STATH: variants seen among roughly 807,000 people sequenced by gnomAD.
STATH encodes the protein statherin.
STATH carries 11 observed loss-of-function variants against 13.3 expected under a neutral mutation model. The observed-to-expected ratio is 0.83, with a 90% CI of 0.52 to 1.37. The LOEUF is 1.37. Ranked by LOEUF, STATH falls within the 40% of genes most tolerant of loss-of-function variation. The pLI is 0.00. For synonymous variants in STATH, 25 were observed against 23.6 expected (o/e 1.06, Z -0.17); for missense variants, 78 against 73.3 (o/e 1.06, Z -0.24).
chr4:70,001,521 C>T (rs899569192), intron 5 of STATH, among the ~76,000 whole-genome samples: 2 of 151,720 alleles, frequency 1.3e-5, no homozygotes, highest in East Asian at 3.9e-4. Flanking sequence ...ATTTTGTACC[C>T]TAAGTAACTC....
chr4:69,996,161 T>A (rs1185495298), intron 1 of STATH, 136 bp downstream of exon 1: 1 of 152,218 alleles, frequency 6.6e-6, no homozygotes, highest in Non-Finnish European at 1.5e-5. Context: ...AGAGAAATGA[T>A]GACCTTCTTA....
chr4:69,996,832 T>A lies in STATH; in HGVS notation c.-16+807T>A, dbSNP rs147528507. 5.4e-4 allele frequency among the ~76,000 whole-genome samples: 82 copies of A among 151,640 alleles called. 2 individuals carry two copies. The East Asian group carries it at 0.014, about 26-fold the overall frequency. ...CACTAAAGTTTTTATGCTTTTTGCA[T>A]CATAAAATGACTGATGGGTAGGTTT... is the stretch of plus-strand genomic sequence containing the variant. On this transcript the variant is annotated intron_variant, in intron 1 of 5. Coordinates refer to ENST00000246895, the MANE Select transcript of STATH (RefSeq NM_003154.3).
At chr4:69,999,410 C>T (rs1047448269) in intron 2 of STATH, among the ~76,000 whole-genome samples, 2 of 151,856 alleles carry the variant, frequency 1.3e-5, no homozygotes, top group African/African-American at 4.8e-5. Context: ...CAATGATAAC[C>T]ATTTACTCCC....
rs191588606 is a variant in STATH, at chr4:70,000,571, G to T, written c.103-292G>T. ...AATGGTTGCTGGGAGGTAGTATTTT[G>T]AAGAAAATTTAAAACCTCTTTGGAG... On this transcript the variant is annotated intron_variant, in intron 4 of 5. Coordinates refer to ENST00000246895, the MANE Select transcript of STATH (RefSeq NM_003154.3). Among the ~76,000 whole-genome samples, 131 of 151,850 alleles carry T rather than the reference G, an allele frequency of 8.6e-4. 1 individual carries two copies. In the East Asian group the frequency reaches 9.1e-3, roughly 11 times the overall value.
intron 1 of STATH, 124 bp from the exon 2 acceptor site, chr4:69,998,299 G>A (rs1319468181): frequency 1.5e-6 from 1 of 646,524 alleles, no homozygotes; most frequent in Non-Finnish European, 2.7e-6. Context: ...TCAGGCAATG[G>A]GTTTTAATTG....
At chr4:70,000,341 A>G (rs1011896459) in intron 4 of STATH, 12 of 160,810 alleles carry the variant, frequency 7.5e-5, no homozygotes, top group South Asian at 1.7e-4. Flanking sequence ...CCTAACTAAT[A>G]TAGTGAATAC....
intron 4 of STATH, chr4:70,000,182 T>G (rs942819740): frequency 2.5e-5 from 5 of 197,280 alleles, no homozygotes; most frequent in Non-Finnish European, 5.2e-5. Context: ...CTTCTGATTT[T>G]TTTTGACGGT....
chr4:69,996,890 A>G (rs1294405964), intron 1 of STATH, among the ~76,000 whole-genome samples: 2 of 145,944 alleles, frequency 1.4e-5, no homozygotes, highest in African/African-American at 5.0e-5. Flanking sequence ...CCCAAAGTAC[A>G]TATTATTTTT....
intron 4 of STATH, chr4:70,000,266 G>A: frequency 6.1e-6 from 1 of 163,996 alleles, no homozygotes; most frequent in Non-Finnish European, 1.3e-5. Flanking sequence ...TTTTCTTAAT[G>A]TATGTATCTT....
intron 4 of STATH, 33 bp from the exon 5 acceptor site, chr4:70,000,830 T>G (rs777508055): frequency 1.0e-5 from 16 of 1,542,712 alleles, no homozygotes; most frequent in Non-Finnish European, 1.4e-5. Flanking sequence ...ATCTCAATTT[T>G]CTGCAATTTT....
chr4:69,998,581 T>G (rs777840238), intron 2 of STATH, 93 bp downstream of exon 2: 3 of 1,094,430 alleles, frequency 2.7e-6, no homozygotes, highest in Non-Finnish European at 2.6e-6. Context: ...TGGTGTTTAC[T>G]TGAATACAGC....
intron 5 of STATH, among the ~76,000 whole-genome samples, chr4:70,001,914 A>G (rs561167438): frequency 6.6e-6 from 1 of 151,924 alleles, no homozygotes; most frequent in South Asian, 2.1e-4. Context: ...ATGCATATAA[A>G]TGAAATGTGT....
At chr4:69,998,328 G>T in intron 1 of STATH, 95 bp from the exon 2 acceptor site, 8 of 821,248 alleles carry the variant, frequency 9.7e-6, no homozygotes, top group Non-Finnish European at 1.6e-5. Context: ...TCTGGAGTGT[G>T]TCTCCCAGTG....
chr4:70,000,688 T>C, intron 4 of STATH, 175 bp from the exon 5 acceptor site: 1 of 579,202 alleles, frequency 1.7e-6, no homozygotes, highest in Non-Finnish European at 3.1e-6. Flanking sequence ...CATTTTTACC[T>C]GCTTTTAAAA....
intron 2 of STATH, 183 bp downstream of exon 2, chr4:69,998,671 T>C (rs1418224872): frequency 4.6e-5 from 20 of 435,160 alleles, no homozygotes; most frequent in Non-Finnish European, 1.6e-5. Context: ...GAATAAATAG[T>C]CATTATTCAT....
intron 2 of STATH, chr4:69,998,788 A>T (rs1024000082): frequency 1.4e-5 from 3 of 213,510 alleles, no homozygotes; most frequent in African/African-American, 6.9e-5. Context: ...TTAAACATGT[A>T]ATGCTCTAGA....
chr4:69,997,299 A>T (rs1234915249), intron 1 of STATH, among the ~76,000 whole-genome samples: 1 of 152,088 alleles, frequency 6.6e-6, no homozygotes, highest in Non-Finnish European at 1.5e-5. Context: ...AACAAAGCAA[A>T]TGCCATAAAT....
At chr4:69,999,724 G>A (rs981287535) in intron 3 of STATH, 37 bp downstream of exon 3, 6 of 1,611,494 alleles carry the variant, frequency 3.7e-6, no homozygotes, top group Non-Finnish European at 5.1e-6. Flanking sequence ...CTTGTTTTCA[G>A]TTTTGTCCTC....
intron 2 of STATH, chr4:69,998,733 C>T: frequency 3.2e-6 from 1 of 317,310 alleles, no homozygotes. Flanking sequence ...GAAAGTTTTA[C>T]TGAACTTCTT....
Sources: gnomAD v4.1 joint callset for allele counts (sites outside exome capture counted in the v4.1 genomes callset) on GRCh38, gnomAD v4.1.1 for gene constraint, MANE v1.5 for transcripts, NCBI Gene and HGNC (gene_info 2026-07-23, HGNC 2026-07-21) for gene names.